Variants in DOCK8 observed in about 807,000 individuals in gnomAD.
DOCK8 encodes the protein dedicator of cytokinesis 8.
A neutral mutation model predicts 245.6 loss-of-function variants in DOCK8; 141 were observed. That is an observed-to-expected ratio of 0.57 (90% CI 0.50 to 0.66). The LOEUF (loss-of-function observed/expected upper bound fraction) is 0.66, where lower values mean the gene tolerates loss of function less well. DOCK8 is among the 30% of genes least tolerant of loss of function. DOCK8 has a pLI of 0.00. For missense variants in DOCK8, 2,965 were observed against 2,603.4 expected (o/e 1.14, Z -3.02); for synonymous variants, 1,168 against 970.2 (o/e 1.20, Z -3.79).
intron 40 of DOCK8, among the ~76,000 whole-genome samples, chr9:440,870 G>T (rs1287659494): frequency 1.3e-5 from 2 of 152,120 alleles, no homozygotes. Flanking sequence ...AGTAGCTGAG[G>T]CTACAGGAGC....
chr9:303,390 G>C (rs1339942593), intron 4 of DOCK8, among the ~76,000 whole-genome samples: 1 of 152,156 alleles, frequency 6.6e-6, no homozygotes, highest in African/African-American at 2.4e-5. Flanking sequence ...CAACCTAGAT[G>C]CCCATCGACA....
chr9:259,315 A>T (rs1367637058), intron 1 of DOCK8, among the ~76,000 whole-genome samples: 2 of 152,162 alleles, frequency 1.3e-5, no homozygotes. Flanking sequence ...AAAGAAAAAA[A>T]ATTCTATTTT....
At chr9:441,244 A>G (rs758477430) in intron 40 of DOCK8, 42 bp from the exon 41 acceptor site, 14 of 1,613,618 alleles carry the variant, frequency 8.7e-6, no homozygotes, top group Admixed American at 1.7e-5. Flanking sequence ...TTAAGTTTCC[A>G]GTGGATTAAA....
At chr9:222,283 CAA>C (rs937811954) in intron 1 of DOCK8, among the ~76,000 whole-genome samples, 1 of 151,852 alleles carries the variant, frequency 6.6e-6, no homozygotes, top group African/African-American at 2.4e-5. Flanking sequence ...CACAAAAAAC[CAA>C]AAGAGATAGG....
chr9:429,640 A>C (rs530857619), intron 35 of DOCK8, 62 bp from the exon 36 acceptor site: 2 of 1,600,822 alleles, frequency 1.2e-6, no homozygotes, highest in African/African-American at 2.7e-5. Flanking sequence ...GCATATTTCA[A>C]CGGTCCAGAA....
At chr9:267,068 G>A (rs971074807) in intron 1 of DOCK8, among the ~76,000 whole-genome samples, 2 of 152,132 alleles carry the variant, frequency 1.3e-5, no homozygotes, top group African/African-American at 4.8e-5. Context: ...AGGTTGATTT[G>A]GACATTGGGG....
intron 1 of DOCK8, among the ~76,000 whole-genome samples, chr9:271,202 C>T (rs1190916668): frequency 6.6e-6 from 1 of 152,140 alleles, no homozygotes; most frequent in South Asian, 2.1e-4. Context: ...AACCAGTCAG[C>T]CAAAAGGGTT....
intron 39 of DOCK8, among the ~76,000 whole-genome samples, chr9:439,033 A>G (rs1159194553): frequency 1.3e-5 from 2 of 152,212 alleles, no homozygotes; most frequent in South Asian, 2.1e-4. Context: ...GGTTAAAAAG[A>G]AAAACGTGAG....
upstream of DOCK8, chr9:214,748 C>G: frequency 6.6e-7 from 1 of 1,524,280 alleles, no homozygotes; most frequent in Non-Finnish European, 8.8e-7. Context: ...CCTCGCCCGC[C>G]GCTGCCTGCG....
At chr9:445,992 C>A (rs1392090554) in intron 43 of DOCK8, among the ~76,000 whole-genome samples, 2 of 152,204 alleles carry the variant, frequency 1.3e-5, no homozygotes, top group East Asian at 3.8e-4. Context: ...TTCTTTAGTT[C>A]GGCCATTCAT....
At chr9:453,144 C>T (rs530204887) in intron 46 of DOCK8, among the ~76,000 whole-genome samples, 7 of 152,230 alleles carry the variant, frequency 4.6e-5, no homozygotes, top group Admixed American at 1.3e-4. Flanking sequence ...CCTTCACAGG[C>T]TTTTGCGAGA....
At chr9:213,626 G>A (rs369713659), upstream of DOCK8, 1 of 152,082 alleles carries the variant, frequency 6.6e-6, no homozygotes. Context: ...TCCAGCAGTG[G>A]GCAATTCAGA....
rs377403246 is a variant in DOCK8 at position 461,293 on chromosome 9, T to G, written c.6069-2224T>G. On this transcript the variant is annotated intron_variant, in intron 46 of 47. Transcript: ENST00000432829. Reference sequence around the variant, plus strand: ...AACTCTAGAAAATTACCAGCTGTTATCTCTTTAAATATTGTCTCCCTCTCA... The same window carrying G: ...AACTCTAGAAAATTACCAGCTGTTAGCTCTTTAAATATTGTCTCCCTCTCA... Among the ~76,000 whole-genome samples, 303 of 152,328 alleles carry G rather than the reference T, an allele frequency of 2.0e-3. 13 individuals carry two copies. In the South Asian group the frequency reaches 0.059, roughly 30 times the overall value.
At chr9:403,424 T>C (rs1462311766) in intron 26 of DOCK8, among the ~76,000 whole-genome samples, 1 of 152,236 alleles carries the variant, frequency 6.6e-6, no homozygotes, top group Non-Finnish European at 1.5e-5. Context: ...TTATGGGATC[T>C]GGTAACTGTG....
chr9:244,798 A>G (rs956455573), intron 1 of DOCK8, among the ~76,000 whole-genome samples: 1 of 151,768 alleles, frequency 6.6e-6, no homozygotes, highest in East Asian at 1.9e-4. Flanking sequence ...GCTTCCCACC[A>G]TAGCTCGTGA....
intron 1 of DOCK8, among the ~76,000 whole-genome samples, chr9:216,667 G>C (rs2046762849): frequency 6.6e-6 from 1 of 152,042 alleles, no homozygotes; most frequent in Admixed American, 6.5e-5. Context: ...GGAGTATAGG[G>C]AATCAAACTG....
intron 24 of DOCK8, among the ~76,000 whole-genome samples, chr9:395,758 A>T (rs1016243585): frequency 2.0e-5 from 3 of 152,124 alleles, no homozygotes; most frequent in African/African-American, 7.2e-5. Flanking sequence ...CCCCAAGAAG[A>T]TGTCCAAAAA....
intron 9 of DOCK8, among the ~76,000 whole-genome samples, chr9:331,024 AT>A (rs1382922794): frequency 6.6e-6 from 1 of 152,148 alleles, no homozygotes; most frequent in Non-Finnish European, 1.5e-5. Context: ...CAGGGTCCTA[AT>A]TAAGAAGTTC....
chr9:463,161 G>A (rs2057859233), intron 46 of DOCK8, among the ~76,000 whole-genome samples: 1 of 152,082 alleles, frequency 6.6e-6, no homozygotes. Flanking sequence ...GGAGGCTGAG[G>A]TAGGAGGATC....
Sources: gnomAD v4.1 joint callset for allele counts (sites outside exome capture counted in the v4.1 genomes callset) on GRCh38, gnomAD v4.1.1 for gene constraint, MANE v1.5 for transcripts, NCBI Gene and HGNC (gene_info 2026-07-23, HGNC 2026-07-21) for gene names.